Variants in OSBPL3 observed in about 807,000 individuals in gnomAD.
OSBPL3 encodes the protein oxysterol binding protein like 3.
A neutral mutation model predicts 120.1 loss-of-function variants in OSBPL3; 65 were observed. That is an observed-to-expected ratio of 0.54 (90% confidence interval 0.44 to 0.67). The LOEUF is 0.67. Ranked by LOEUF, OSBPL3 falls within the 30% of genes least tolerant of loss-of-function variation. OSBPL3 has a pLI of 0.00. For synonymous variants in OSBPL3, 416 were observed against 402.6 expected (o/e 1.03, Z -0.40); for missense variants, 1,004 against 1,082.1 (o/e 0.93, Z 1.01).
At chr7:24,857,072 G>A (rs915389610) in intron 10 of OSBPL3, among the ~76,000 whole-genome samples, 3 of 152,074 alleles carry the variant, frequency 2.0e-5, no homozygotes, top group Admixed American at 1.3e-4. Context: ...CTATGAAAGA[G>A]GTATCATTGT....
In OSBPL3 at chr7:24,813,796, T is replaced by C. The variant is rs555657602; in HGVS notation, c.2172+1263A>G. 6.6e-6 allele frequency among the ~76,000 whole-genome samples: 1 copy of C among 152,298 alleles called. No homozygotes were observed. The highest frequency in any genetic ancestry group is 2.4e-5 in the African/African-American group (1 of 41,560). On this transcript the variant is annotated intron_variant, in intron 19 of 22. Coordinates refer to ENST00000313367, the MANE Select transcript of OSBPL3 (RefSeq NM_015550.4). The surrounding 1 kb of genome is among the most constrained non-coding windows in gnomAD (Gnocchi z 4.5). ...ATGTTTTAAAGCTGTTTTAACTACA[T>C]ACAATTTTTAAGAGCAAGAAGGAAT...
At chr7:24,895,071 G>A (rs1290854553) in intron 1 of OSBPL3, among the ~76,000 whole-genome samples, 8 of 152,094 alleles carry the variant, frequency 5.3e-5, no homozygotes, top group African/African-American at 9.7e-5. Flanking sequence ...ATTGTTGCCC[G>A]GGGAAATATA....
At chr7:24,814,314 G>C (rs886401452) in intron 19 of OSBPL3, among the ~76,000 whole-genome samples, 5 of 152,146 alleles carry the variant, frequency 3.3e-5, no homozygotes, top group Admixed American at 3.3e-4. Context: ...ATCTGCAAGT[G>C]TGCAAGTATG....
At chr7:24,890,137 A>C (rs1384395206) in intron 2 of OSBPL3, among the ~76,000 whole-genome samples, 3 of 152,222 alleles carry the variant, frequency 2.0e-5, no homozygotes, top group Non-Finnish European at 4.4e-5. Context: ...CAATAAAATC[A>C]ATATCAGATG....
intron 1 of OSBPL3, among the ~76,000 whole-genome samples, chr7:24,963,676 T>C (rs1816046425): frequency 1.3e-5 from 2 of 152,222 alleles, no homozygotes; most frequent in South Asian, 2.1e-4. Context: ...TCAGAGGACC[T>C]GGGCCTAGCC....
rs1268727052 is a variant in OSBPL3, at chr7:24,963,005, G to T, written c.-150+16881C>A. 1.3e-5 allele frequency among the ~76,000 whole-genome samples: 2 copies of T among 152,100 alleles called. 1 individual carries two copies. Among genetic ancestry groups the T allele is most frequent in the Non-Finnish European group, 2.9e-5 (2 of 68,002 alleles). On this transcript the variant is annotated intron_variant, in intron 1 of 22. Transcript: ENST00000313367. ...TTCTGAGACATGAATATGAAATAAG[G>T]TTGTCCCTTATTATTCCCTGCATCT...
chr7:24,911,744 G>A (rs6461826), intron 1 of OSBPL3, among the ~76,000 whole-genome samples: 2 of 151,912 alleles, frequency 1.3e-5, no homozygotes, highest in Admixed American at 6.6e-5. Context: ...AACATAGGTG[G>A]GGAGAAAAAG....
At chr7:24,845,445 A>ATGTG (rs112776265) in intron 12 of OSBPL3, among the ~76,000 whole-genome samples, 2 of 114,788 alleles carry the variant, frequency 1.7e-5, no homozygotes, top group African/African-American at 8.4e-5. Flanking sequence ...ATTTGTGTGT[A>ATGTG]TGTGTGTGTG....
chr7:24,828,605 TGAAAAAAAAAAAAAAA>T (rs1436390271), intron 16 of OSBPL3, among the ~76,000 whole-genome samples: 16 of 59,552 alleles, frequency 2.7e-4, no homozygotes, highest in African/African-American at 1.1e-3. Flanking sequence ...AGACTCTGTC[TGAAAAAAAAAAAAAAA>T]GAAAAAAAAA....
chr7:24,889,533 C>G lies in OSBPL3; in HGVS notation c.96+2844G>C, dbSNP rs139536437. Reference sequence around the variant, plus strand: ...ATCACTTCCTAAAGTGTACATGTATCAACACATCACATTATACACCATAAA... The same window carrying G: ...ATCACTTCCTAAAGTGTACATGTATGAACACATCACATTATACACCATAAA... On this transcript the variant is annotated intron_variant, in intron 2 of 22. Coordinates refer to ENST00000313367, the MANE Select transcript of OSBPL3 (RefSeq NM_015550.4). 1.1e-3 allele frequency among the ~76,000 whole-genome samples: 166 copies of G among 151,794 alleles called. 1 individual carries two copies. The highest frequency in any genetic ancestry group is 3.7e-3 in the African/African-American group (153 of 41,360).
rs113658511 is a variant in OSBPL3 at position 24,915,950 on chromosome 7, T to C, written c.-149-23329A>G. On this transcript the variant is annotated intron_variant, in intron 1 of 22. Transcript: ENST00000313367. Reference sequence around the variant, plus strand: ...AGTACATTGATTAGGAATAAATAGGTGGAGGGATACCCAGGGGAAATTAGA... The same window carrying C: ...AGTACATTGATTAGGAATAAATAGGCGGAGGGATACCCAGGGGAAATTAGA... 5.5e-3 allele frequency among the ~76,000 whole-genome samples: 832 copies of C among 151,996 alleles called. 7 individuals carry two copies. Among genetic ancestry groups the C allele is most frequent in the Non-Finnish European group, 8.7e-3 (594 of 67,998 alleles).
At chr7:24,856,597 T>G (rs1218449967) in intron 10 of OSBPL3, among the ~76,000 whole-genome samples, 1 of 152,226 alleles carries the variant, frequency 6.6e-6, no homozygotes, top group Non-Finnish European at 1.5e-5. Context: ...TAACACTTAG[T>G]TGCAGCTGCC....
In OSBPL3 at chr7:24,863,164, T is replaced by G; in HGVS notation, c.870+36A>C. 1.3e-6 allele frequency: 2 copies of G among 1,493,268 alleles called. No individual in the cohort carries two copies. The highest frequency in any genetic ancestry group is 1.9e-6 in the Non-Finnish European group (2 of 1,069,610). 92.5% of individuals were successfully genotyped at this position (1,493,268 alleles called of 1,614,324 possible). On this transcript the variant is annotated intron_variant, in intron 9 of 22. Transcript: ENST00000313367. This position sits in a 1 kb window ranked among gnomAD's most constrained non-coding sequence, Gnocchi z 5.8. Reference sequence around the variant, plus strand: ...CACACGGCATGCAGAGCAGGGCCAATGAAGAAACCAGTCTGTCAGGGGAAG... The same window carrying G: ...CACACGGCATGCAGAGCAGGGCCAAGGAAGAAACCAGTCTGTCAGGGGAAG...
At chr7:24,800,312 T>C in intron 22 of OSBPL3, 33 bp from the exon 23 acceptor site, 1 of 1,281,788 alleles carries the variant, frequency 7.8e-7, no homozygotes, top group Non-Finnish European at 1.1e-6. Context: ...TTGCAGACTC[T>C]TGAAACCAGC....
chr7:24,847,157 T>TGGAG (rs1268399075), intron 12 of OSBPL3, among the ~76,000 whole-genome samples: 1 of 151,522 alleles, frequency 6.6e-6, no homozygotes, highest in Non-Finnish European at 1.5e-5. Flanking sequence ...ACCCCATTGG[T>TGGAG]GGAGACTGTC....
rs181397694 is a variant in OSBPL3 at position 24,849,916 on chromosome 7, G to C, written c.1159-740C>G. ...AGATGTTGCAGCGAGCTGAGATTGC[G>C]GCCTGGGTGAGAGTGAGACCCTGTC... On this transcript the variant is annotated intron_variant, in intron 11 of 22. Transcript: ENST00000313367. The surrounding 1 kb of genome is among the most constrained non-coding windows in gnomAD (Gnocchi z 5.4). 8.1e-3 allele frequency among the ~76,000 whole-genome samples: 1,226 copies of C among 151,406 alleles called. 15 individuals are homozygous for C. The highest frequency in any genetic ancestry group is 0.028 in the African/African-American group (1,170 of 41,246).
In OSBPL3 at chr7:24,871,442, T is replaced by C. The variant is rs6952356; in HGVS notation, c.267+300A>G. Among the ~76,000 whole-genome samples, 67,072 of 152,018 alleles carry C rather than the reference T, an allele frequency of 0.44. 16,001 individuals carry two copies. Among genetic ancestry groups the C allele is most frequent in the East Asian group, 0.84 (4,360 of 5,170 alleles). On this transcript the variant is annotated intron_variant, in intron 4 of 22. Transcript: ENST00000313367. This position sits in a 1 kb window ranked among gnomAD's most constrained non-coding sequence, Gnocchi z 4.8. ...CAGTGCAAGAGGGAGGGATGCCCTA[T>C]GTTTTGTTCCTGTTATCTAGCTGCA...
At chr7:24,845,384 T>TTAAAAAAAAAAAAA (rs1798287457) in intron 12 of OSBPL3, among the ~76,000 whole-genome samples, 1 of 62,264 alleles carries the variant, frequency 1.6e-5, no homozygotes, top group Non-Finnish European at 2.8e-5. Context: ...GCAAAATAAG[T>TTAAAAAAAAAAAAA]AAAAAAAAAA....
chr7:24,937,288 G>A lies in OSBPL3; in HGVS notation c.-150+42598C>T, dbSNP rs550188088. ...TCCCACCAGGTCCCTCCCACAACAC[G>A]TGGGGATTATGGGAACTACAATTCA... On this transcript the variant is annotated intron_variant, in intron 1 of 22. Coordinates refer to ENST00000313367, the MANE Select transcript of OSBPL3 (RefSeq NM_015550.4). This position sits in a 1 kb window ranked among gnomAD's most constrained non-coding sequence, Gnocchi z 4.0. Among the ~76,000 whole-genome samples, 31 of 152,306 alleles carry A rather than the reference G, an allele frequency of 2.0e-4. No individual in the cohort carries two copies. Among genetic ancestry groups the A allele is most frequent in the Non-Finnish European group, 2.6e-4 (18 of 68,016 alleles).
Sources: allele counts gnomAD v4.1 joint callset (sites outside exome capture counted in the v4.1 genomes callset), GRCh38; gene constraint gnomAD v4.1.1; non-coding constraint Gnocchi (gnomAD v3.1); transcripts MANE v1.5; gene names NCBI Gene and HGNC (gene_info 2026-07-23, HGNC 2026-07-21).